Variants in SCFD2 observed in about 807,000 individuals in gnomAD.
SCFD2 encodes sec1 family domain-containing protein 2.
A neutral mutation model predicts 58.9 loss-of-function variants in SCFD2; 54 were observed. The observed-to-expected ratio is 0.92, with a 90% CI of 0.74 to 1.15. The LOEUF (loss-of-function observed/expected upper bound fraction) is 1.15, where lower values mean the gene tolerates loss of function less well. Among genes scored for constraint, SCFD2 ranks in the 50% most tolerant of loss-of-function variants. The pLI is 0.00. For missense variants in SCFD2, 805 were observed against 836.6 expected, an observed-to-expected ratio of 0.96 and a Z score of 0.47; for synonymous variants, 321 against 335.9, an observed-to-expected ratio of 0.96 and a Z score of 0.49.
intron 5 of SCFD2, among the ~76,000 whole-genome samples, chr4:52,921,211 T>C (rs1719727475): frequency 6.6e-6 from 1 of 152,126 alleles, no homozygotes; most frequent in South Asian, 2.1e-4. Context: ...TGGGAAAATA[T>C]GAGGAGACAC....
chr4:52,956,616 C>T (rs1213726577), intron 5 of SCFD2: 4 of 188,178 alleles, frequency 2.1e-5, no homozygotes, highest in Admixed American at 5.5e-5. Context: ...CTCTTCCCAG[C>T]TTCATGATTA....
At chr4:53,027,794 T>C (rs1392467304) in intron 5 of SCFD2, among the ~76,000 whole-genome samples, 1 of 152,064 alleles carries the variant, frequency 6.6e-6, no homozygotes, top group East Asian at 1.9e-4. Flanking sequence ...AACCACTGCA[T>C]TCCAGCCTGG....
At chr4:52,993,823 T>C (rs1560504509) in intron 5 of SCFD2, among the ~76,000 whole-genome samples, 1 of 152,252 alleles carries the variant, frequency 6.6e-6, no homozygotes, top group Non-Finnish European at 1.5e-5. Flanking sequence ...TAGACTGTTC[T>C]GTACTTAGTA....
At chr4:53,174,497 TA>T (rs998800061) in intron 4 of SCFD2, among the ~76,000 whole-genome samples, 26 of 152,120 alleles carry the variant, frequency 1.7e-4, no homozygotes, top group African/African-American at 6.0e-4. Context: ...GATGTATCAA[TA>T]GCAACAACAG....
chr4:53,105,059 T>C (rs889905543), intron 5 of SCFD2, among the ~76,000 whole-genome samples: 3 of 152,014 alleles, frequency 2.0e-5, no homozygotes, highest in Admixed American at 6.6e-5. Context: ...GGGTGGGGCA[T>C]TGCCTTACCC....
chr4:52,881,839 C>T (rs1560468601), intron 8 of SCFD2, among the ~76,000 whole-genome samples: 46 of 152,092 alleles, frequency 3.0e-4, no homozygotes. Flanking sequence ...ATTGGACATT[C>T]AATTAACATT....
At chr4:53,140,395 ATATAT>A (rs1726095852) in intron 5 of SCFD2, among the ~76,000 whole-genome samples, 4 of 139,030 alleles carry the variant, frequency 2.9e-5, no homozygotes, top group Middle Eastern at 3.8e-3. Flanking sequence ...AAATGCTAAT[ATATAT>A]ATATATATAT....
intron 3 of SCFD2, among the ~76,000 whole-genome samples, chr4:53,285,209 T>G (rs1238512371): frequency 6.6e-6 from 1 of 152,194 alleles, no homozygotes; most frequent in South Asian, 2.1e-4. Flanking sequence ...TAGCTTTCTT[T>G]GGAAATGCAG....
intron 5 of SCFD2, among the ~76,000 whole-genome samples, chr4:53,124,926 T>A (rs1725582002): frequency 6.6e-6 from 1 of 152,180 alleles, no homozygotes; most frequent in South Asian, 2.1e-4. Context: ...TATTCTGCAA[T>A]CCCTGAGATA....
At chr4:52,952,784 A>T (rs932199589) in intron 5 of SCFD2, among the ~76,000 whole-genome samples, 26 of 152,156 alleles carry the variant, frequency 1.7e-4, no homozygotes, top group Non-Finnish European at 3.7e-4. Context: ...GTCCATTAGA[A>T]AAATGATGAT....
chr4:53,339,957 A>G (rs1733810731), intron 2 of SCFD2, among the ~76,000 whole-genome samples: 3 of 152,212 alleles, frequency 2.0e-5, no homozygotes, highest in Admixed American at 1.3e-4. Context: ...TGATCTAAAT[A>G]TAACAAGCAA....
chr4:53,350,380 C>G (rs1734180398), intron 2 of SCFD2, among the ~76,000 whole-genome samples: 1 of 152,200 alleles, frequency 6.6e-6, no homozygotes, highest in Non-Finnish European at 1.5e-5. Context: ...TTCAGTCTCT[C>G]TAATGTCAAT....
At chr4:52,915,932 A>AGCC (rs1719591784) in intron 6 of SCFD2, among the ~76,000 whole-genome samples, 1 of 152,226 alleles carries the variant, frequency 6.6e-6, no homozygotes, top group Non-Finnish European at 1.5e-5. Flanking sequence ...CTGTTCAGAG[A>AGCC]GCCACATTTC....
intron 5 of SCFD2, among the ~76,000 whole-genome samples, chr4:53,057,511 T>C (rs979593774): frequency 4.0e-5 from 6 of 151,568 alleles, no homozygotes; most frequent in South Asian, 2.1e-4. Context: ...TGAGAACACA[T>C]GGACACAGAG....
At position 52,873,903 on chromosome 4, in the gene SCFD2, G is replaced by T; in HGVS notation, c.*66C>A. The T allele has an allele frequency of 8.8e-7, 1 of 1,140,462 alleles. No individual in the cohort carries two copies. The highest frequency in any genetic ancestry group is 1.3e-6 in the Non-Finnish European group (1 of 751,208). The allele number at this position is 1,140,462 out of a possible 1,614,324, so 70.6% of individuals were successfully genotyped here. The stretch of plus-strand genomic sequence containing the variant: ...GGACGCTGGTTGTGGAGGAGTATTT[G>T]GAGTGGTGGCAGAAAATTGCATCGG... On this transcript the variant is annotated 3_prime_UTR_variant, in exon 9 of 9. Coordinates refer to ENST00000401642, the MANE Select transcript of SCFD2 (RefSeq NM_152540.4).
chr4:53,078,849 C>T (rs1387138385), intron 5 of SCFD2, among the ~76,000 whole-genome samples: 1 of 152,150 alleles, frequency 6.6e-6, no homozygotes, highest in Non-Finnish European at 1.5e-5. Flanking sequence ...CTTGCACTTA[C>T]TCAGCATTTT....
At chr4:52,910,770 G>A (rs1436434490) in intron 6 of SCFD2, among the ~76,000 whole-genome samples, 2 of 152,122 alleles carry the variant, frequency 1.3e-5, no homozygotes, top group African/African-American at 2.4e-5. Context: ...AGTCATGGGG[G>A]CGGTTACACT....
chr4:53,272,337 C>A (rs557454894), intron 4 of SCFD2, among the ~76,000 whole-genome samples: 97 of 152,224 alleles, frequency 6.4e-4, no homozygotes, highest in African/African-American at 2.2e-3. Context: ...TTGACCCAGC[C>A]ATCCCATTAC....
chr4:53,139,243 C>A lies in SCFD2; in HGVS notation c.1561+6090G>T, dbSNP rs551876066. On this transcript the variant is annotated intron_variant, in intron 5 of 8. Transcript: ENST00000401642. ...ACAACCTCCACCTCCCAGCCGCCTG[C>A]CTTGGCCTCCCAAAGTGCCGAGATT... 1.2e-3 allele frequency among the ~76,000 whole-genome samples: 184 copies of A among 152,300 alleles called. 3 individuals are homozygous for A. The highest frequency in any genetic ancestry group is 3.5e-4 in the Non-Finnish European group (24 of 68,020).
Sources: allele counts gnomAD v4.1 joint callset (sites outside exome capture counted in the v4.1 genomes callset), GRCh38; gene constraint gnomAD v4.1.1; transcripts MANE v1.5; gene names NCBI Gene and HGNC (gene_info 2026-07-23, HGNC 2026-07-21).